PAK5: variants seen among roughly 807,000 people sequenced by gnomAD.
PAK5 encodes the protein p21 (RAC1) activated kinase 5, also known as serine/threonine-protein kinase PAK 5.
In PAK5, 16 loss-of-function variants were observed where a neutral mutation model predicts 65.9. The observed-to-expected ratio is 0.24, with a 90% CI of 0.16 to 0.37. The LOEUF is 0.37. Ranked by LOEUF, PAK5 falls within the 10% of genes least tolerant of loss-of-function variation. The probability of loss-of-function intolerance (pLI) is 1.00; values close to 1 mark genes in which losing one functional copy is unlikely to be tolerated. For missense variants in PAK5, 785 were observed against 903.9 expected (o/e 0.87, Z 1.69); for synonymous variants, 371 against 354.9 (o/e 1.05, Z -0.51).
chr20:9,605,286 G>A (rs1262254618), intron 3 of PAK5, among the ~76,000 whole-genome samples: 1 of 152,178 alleles, frequency 6.6e-6, no homozygotes, highest in East Asian at 1.9e-4. Context: ...AAAGCCCTTG[G>A]ACACAGAGCA....
At chr20:9,805,781 G>C (rs2049224553) in intron 1 of PAK5, among the ~76,000 whole-genome samples, 1 of 152,068 alleles carries the variant, frequency 6.6e-6, no homozygotes, top group Admixed American at 6.6e-5. Context: ...TTTCTTTTGG[G>C]GATTATAGAA....
intron 1 of PAK5, among the ~76,000 whole-genome samples, chr20:9,751,599 T>G (rs2048577978): frequency 6.6e-6 from 1 of 152,140 alleles, no homozygotes; most frequent in South Asian, 2.1e-4. Flanking sequence ...AAAGACCCCT[T>G]TCTGAAAATG....
chr20:9,694,828 G>C (rs2047846641), intron 2 of PAK5, among the ~76,000 whole-genome samples: 1 of 151,882 alleles, frequency 6.6e-6, no homozygotes, highest in African/African-American at 2.4e-5. Context: ...TCTAATTCAG[G>C]ACTTTTAAAA....
Position 9,538,546 on chromosome 20 carries a change from C to T in PAK5, c.*916G>A, listed in dbSNP as rs868191829. 4.3e-6 allele frequency: 1 copy of T among 233,272 alleles called. No homozygotes were observed. The highest frequency in any genetic ancestry group is 6.0e-5 in the East Asian group (1 of 16,534). 14.5% of individuals were successfully genotyped at this position (233,272 alleles called of 1,614,324 possible). ...CAATGATCCTAGCACTGAAATTGCT[C>T]CCTGGGAGGGAAATTTGGCCACAAG... On this transcript the variant is annotated 3_prime_UTR_variant, in exon 10 of 10. Transcript: ENST00000353224.
intron 2 of PAK5, among the ~76,000 whole-genome samples, chr20:9,687,475 C>T (rs1044077305): frequency 1.4e-4 from 21 of 152,154 alleles, no homozygotes; most frequent in Admixed American, 1.0e-3. Flanking sequence ...TTTACCATAT[C>T]ATTTTGAATT....
chr20:9,637,919 A>G (rs2047002361), intron 3 of PAK5, among the ~76,000 whole-genome samples: 1 of 152,192 alleles, frequency 6.6e-6, no homozygotes, highest in East Asian at 1.9e-4. Flanking sequence ...AATGATTTCT[A>G]GGCTGTAACA....
At chr20:9,657,576 C>T (rs1250186531) in intron 2 of PAK5, among the ~76,000 whole-genome samples, 1 of 152,114 alleles carries the variant, frequency 6.6e-6, no homozygotes, top group Non-Finnish European at 1.5e-5. Flanking sequence ...AGTTTTACCT[C>T]TTTTGTGTTT....
chr20:9,618,235 T>C (rs1186428137), intron 3 of PAK5, among the ~76,000 whole-genome samples: 1 of 151,802 alleles, frequency 6.6e-6, no homozygotes, highest in Non-Finnish European at 1.5e-5. Flanking sequence ...ACTACATAAC[T>C]CCAAAGAGTC....
intron 2 of PAK5, among the ~76,000 whole-genome samples, chr20:9,690,140 T>C (rs2047772729): frequency 6.6e-6 from 1 of 152,178 alleles, no homozygotes; most frequent in South Asian, 2.1e-4. Flanking sequence ...AGCCGAACTG[T>C]CCCTGGTCAG....
At chr20:9,790,519 T>C (rs761733163) in intron 1 of PAK5, among the ~76,000 whole-genome samples, 1 of 152,074 alleles carries the variant, frequency 6.6e-6, no homozygotes, top group Non-Finnish European at 1.5e-5. Context: ...ATTTTTATTA[T>C]TTTAGAGACA....
chr20:9,778,937 G>A (rs1158941839), intron 1 of PAK5, among the ~76,000 whole-genome samples: 9 of 152,212 alleles, frequency 5.9e-5, no homozygotes, highest in Admixed American at 2.6e-4. Context: ...TTCCCTACAC[G>A]TAATCTTTCT....
At chr20:9,810,911 A>G (rs1033060368) in intron 1 of PAK5, among the ~76,000 whole-genome samples, 2 of 152,216 alleles carry the variant, frequency 1.3e-5, no homozygotes, top group Non-Finnish European at 1.5e-5. Context: ...ACATATGCAC[A>G]TACAGTTGCT....
chr20:9,611,191 A>AGT (rs1255690079), intron 3 of PAK5, among the ~76,000 whole-genome samples: 2 of 152,238 alleles, frequency 1.3e-5, no homozygotes, highest in Non-Finnish European at 2.9e-5. Context: ...TAGGCAGAGA[A>AGT]GTGGTAATGC....
intron 3 of PAK5, among the ~76,000 whole-genome samples, chr20:9,635,806 A>T (rs546533619): frequency 2.6e-5 from 4 of 152,316 alleles, no homozygotes; most frequent in South Asian, 2.1e-4. Context: ...AAAAACACTG[A>T]TTTAAGAGGA....
chr20:9,580,975 G>A (rs1246423180), intron 3 of PAK5, 45 bp from the exon 4 acceptor site: 2 of 1,386,220 alleles, frequency 1.4e-6, no homozygotes, highest in African/African-American at 1.4e-5. Context: ...ATATTTCATG[G>A]ATTTAAATTG....
Position 9,539,098 on chromosome 20 carries a change from T to C in PAK5, c.*364A>G, listed in dbSNP as rs1384000668. The C allele has an allele frequency of 4.2e-6, 1 of 236,038 alleles. No individual in the cohort carries two copies. The highest frequency in any genetic ancestry group is 8.3e-6 in the Non-Finnish European group (1 of 120,170). 14.6% of individuals were successfully genotyped at this position (236,038 alleles called of 1,614,324 possible). On this transcript the variant is annotated 3_prime_UTR_variant, in exon 10 of 10. Transcript: ENST00000353224. ...TGTTTTCCTTTCTTTCTTTTTTTTT[T>C]TTTTTTGCCAGAAAAGTATTCTTTC...
At chr20:9,729,649 A>G (rs971822239) in intron 1 of PAK5, among the ~76,000 whole-genome samples, 4 of 152,186 alleles carry the variant, frequency 2.6e-5, no homozygotes, top group Non-Finnish European at 4.4e-5. Context: ...ATTCTTGCCT[A>G]GAAAATTGAT....
chr20:9,567,223 C>T (rs1392909788), intron 4 of PAK5, among the ~76,000 whole-genome samples: 1 of 152,128 alleles, frequency 6.6e-6, no homozygotes, highest in Non-Finnish European at 1.5e-5. Context: ...TTTGGAAGAT[C>T]TCGATGACAA....
intron 2 of PAK5, among the ~76,000 whole-genome samples, chr20:9,688,790 A>G (rs1037730841): frequency 6.6e-6 from 1 of 152,150 alleles, no homozygotes; most frequent in Non-Finnish European, 1.5e-5. Flanking sequence ...ATGTGTTGTC[A>G]TATGAAACAA....
Sources: allele counts gnomAD v4.1 joint callset (sites outside exome capture counted in the v4.1 genomes callset), GRCh38; gene constraint gnomAD v4.1.1; transcripts MANE v1.5; gene names NCBI Gene and HGNC (gene_info 2026-07-23, HGNC 2026-07-21).